Variants in TMCO6 observed in about 807,000 individuals in gnomAD.
TMCO6 encodes transmembrane and coiled-coil domains 6.
Under a neutral mutation model 61.8 loss-of-function variants are expected in TMCO6, and 47 were observed. That is an observed-to-expected ratio of 0.76 (90% CI 0.60 to 0.97). TMCO6 has a LOEUF of 0.97. TMCO6 is among the 50% of genes least tolerant of loss of function. The probability of loss-of-function intolerance (pLI) is 0.00; values close to 1 mark genes in which losing one functional copy is unlikely to be tolerated. For missense variants in TMCO6, 557 were observed against 601.6 expected (o/e 0.93, Z 0.78); for synonymous variants, 261 against 254.2 (o/e 1.03, Z -0.25).
the TMCO6 span, among the ~76,000 whole-genome samples, chr5:140,622,064 A>G: frequency 6.4e-4 from 97 of 152,200 alleles, no homozygotes; most frequent in Middle Eastern, 3.4e-3. Context: ...ATTACCTTGT[A>G]AAGTACTTGA....
At chr5:140,618,446 G>C in the TMCO6 span, among the ~76,000 whole-genome samples, 1 of 152,118 alleles carries the variant, frequency 6.6e-6, no homozygotes, top group Middle Eastern at 3.4e-3. Context: ...AAAGAAAAAG[G>C]AGCAAAGACA....
chr5:140,647,582 A>G, downstream of TMCO6: 2 of 1,609,794 alleles, frequency 1.2e-6, no homozygotes, highest in Non-Finnish European at 1.7e-6. Flanking sequence ...GGCCGCCGCC[A>G]TCCTTGTTAA....
the TMCO6 span, among the ~76,000 whole-genome samples, chr5:140,624,517 T>G: frequency 6.6e-6 from 1 of 152,318 alleles, no homozygotes; most frequent in East Asian, 1.9e-4. Flanking sequence ...GTCATTCCCC[T>G]TGACCACCCC....
At chr5:140,644,240 T>C (rs767975710) in intron 10 of TMCO6, 46 bp downstream of exon 10, 6 of 1,578,946 alleles carry the variant, frequency 3.8e-6, no homozygotes, top group Non-Finnish European at 5.2e-6. Flanking sequence ...AGTCGGATTG[T>C]ATGGGACAGC....
the TMCO6 span, among the ~76,000 whole-genome samples, chr5:140,597,874 T>C: frequency 5.3e-4 from 81 of 152,310 alleles, no homozygotes; most frequent in Admixed American, 1.5e-3. Flanking sequence ...GAAATAAAGA[T>C]TTAAAGGTAT....
At chr5:140,629,295 C>A in the TMCO6 span, among the ~76,000 whole-genome samples, 2 of 150,890 alleles carry the variant, frequency 1.3e-5, no homozygotes. Context: ...CAAACAAAAC[C>A]CAAAAAACTA....
At position 140,644,563 on chromosome 5, in the gene TMCO6, C is replaced by CT; in HGVS notation, c.1201-9dup. 1 of 1,613,602 alleles carries CT rather than the reference C, an allele frequency of 6.2e-7. No homozygotes were observed. Among genetic ancestry groups the CT allele is most frequent in the Non-Finnish European group, 8.5e-7 (1 of 1,179,792 alleles). ...CATTCTTTGTAGACTATATATGTGT[C>CT]TATCTGCAGGTGCTCACAGTTCTGT... On this transcript the variant is annotated splice_polypyrimidine_tract_variant and intron_variant, in intron 10 of 11. Coordinates refer to ENST00000394671, the MANE Select transcript of TMCO6 (RefSeq NM_018502.5).
At chr5:140,635,077 C>T (rs772303799), upstream of TMCO6, among the ~76,000 whole-genome samples, 9 of 152,196 alleles carry the variant, frequency 5.9e-5, no homozygotes, top group Non-Finnish European at 1.0e-4. Context: ...CCACCGTGCC[C>T]GGCAGAAAGT....
rs894855780 is a variant in TMCO6, at chr5:140,639,460, G to A, written c.-68G>A. The A allele has an allele frequency of 1.6e-5, 24 of 1,472,820 alleles. No individual in the cohort carries two copies. The highest frequency in any genetic ancestry group is 2.1e-5 in the Non-Finnish European group (23 of 1,078,540). The allele number at this position is 1,472,820 out of a possible 1,614,324, so 91.2% of individuals were successfully genotyped here. A position where few individuals can be genotyped will look rare whatever the true frequency, so the allele number is the denominator to read the frequency against. On this transcript the variant is annotated 5_prime_UTR_variant, in exon 1 of 12. Transcript: ENST00000394671. Reference sequence around the variant, plus strand: ...CCTGTGCTGAGGCTGCGCAGTCGGTGCCATCTTCTACGCCCCTGGGAGCGT... The same window carrying A: ...CCTGTGCTGAGGCTGCGCAGTCGGTACCATCTTCTACGCCCCTGGGAGCGT...
At chr5:140,632,652 C>G in the TMCO6 span, 1 of 1,613,578 alleles carries the variant, frequency 6.2e-7, no homozygotes, top group Non-Finnish European at 8.5e-7. This position sits in a 1 kb window ranked among gnomAD's most constrained non-coding sequence, Gnocchi z 6.2. Context: ...CGCTAGCACA[C>G]GCAGGGCGCC....
intron 3 of TMCO6, 40 bp downstream of exon 3, chr5:140,641,820 C>T (rs1757054978): frequency 3.7e-6 from 6 of 1,613,992 alleles, no homozygotes; most frequent in Non-Finnish European, 5.1e-6. Flanking sequence ...AGTTGGGGCT[C>T]TGAGGGATGG....
chr5:140,601,526 C>T, the TMCO6 span, among the ~76,000 whole-genome samples: 3 of 152,282 alleles, frequency 2.0e-5, no homozygotes, highest in Middle Eastern at 3.4e-3. Context: ...GCTCTAAGAC[C>T]GTTGTTTTGA....
upstream of TMCO6, among the ~76,000 whole-genome samples, chr5:140,636,858 T>C (rs972783385): frequency 1.3e-5 from 2 of 152,240 alleles, no homozygotes; most frequent in African/African-American, 2.4e-5. Context: ...CTAAGTTATA[T>C]GGCTTTTTAA....
the TMCO6 span, among the ~76,000 whole-genome samples, chr5:140,625,627 T>C: frequency 0.57 from 86,102 of 152,052 alleles, 25,095 homozygotes; most frequent in African/African-American, 0.69. Context: ...ATCTAGCACT[T>C]TATACTTTCT....
At chr5:140,647,218 C>T, downstream of TMCO6, 2 of 1,520,972 alleles carry the variant, frequency 1.3e-6, no homozygotes, top group South Asian at 1.3e-5. Context: ...CCCTTGTTCC[C>T]CTACCGGAGC....
At position 140,643,833 on chromosome 5, in the gene TMCO6, G is replaced by A; in HGVS notation, c.972G>A (p.Val324=). Residue 324 remains valine, a synonymous_variant, in exon 9 of 12, where the codon GTG becomes GTA. Coordinates refer to ENST00000394671, the MANE Select transcript of TMCO6 (RefSeq NM_018502.5). ...CLSNLLTEAA[V]ETVGGQMQLR... Reference sequence around the variant, plus strand: ...GCAACCTGCTAACTGAGGCAGCAGTGGAGACTGTGGGAGGGCAAATGCAGC... The same window carrying A: ...GCAACCTGCTAACTGAGGCAGCAGTAGAGACTGTGGGAGGGCAAATGCAGC... 1 of 1,614,244 alleles carries A rather than the reference G, an allele frequency of 6.2e-7. No individual in the cohort carries two copies. The highest frequency in any genetic ancestry group is 1.1e-5 in the South Asian group (1 of 91,090).
chr5:140,610,010 C>T, the TMCO6 span, among the ~76,000 whole-genome samples: 1 of 151,722 alleles, frequency 6.6e-6, no homozygotes, highest in Admixed American at 6.6e-5. Flanking sequence ...GTAACTGGGA[C>T]TACAGGTGCA....
rs1406444871 is a variant in TMCO6, at chr5:140,639,600, G to A, written c.73G>A (p.Glu25Lys). ...GGAGGAGCTACGGCGCCGCCGGCGG[G>A]AGCGGGAGGCAGGTGTGGGCGGCCG... Reference protein sequence around the residue: ...GVEELRRRRREREAALRKARR... With the variant: ...GVEELRRRRRKREAALRKARR... The change falls in exon 1 of 12, where the codon GAG becomes AAG. Residue 25 changes from glutamate (E) to lysine (K), a missense_variant. By Grantham distance (56) the Glu-to-Lys change is moderately conservative. Transcript: ENST00000394671. 1 of 1,544,194 alleles carries A rather than the reference G, an allele frequency of 6.5e-7. No individual in the cohort carries two copies. The highest frequency in any genetic ancestry group is 8.7e-7 in the Non-Finnish European group (1 of 1,143,616).
rs747612269 is a variant in TMCO6 at position 140,639,550 on chromosome 5, G to T, written c.23G>T (p.Arg8Leu). 1 of 1,549,576 alleles carries T rather than the reference G, an allele frequency of 6.5e-7. No homozygotes were observed. Among genetic ancestry groups the T allele is most frequent in the Admixed American group, 2.0e-5 (1 of 50,748 alleles). The change falls in exon 1 of 12, where the codon CGC becomes CTC. Residue 8 changes from arginine (R) to leucine (L), a missense_variant. Transcript: ENST00000394671. MWSRRQG[R>L]LRPTVCGVEE... Reference sequence around the variant, plus strand: ...ACCATGTGGAGCCGACGGCAGGGCCGCCTCAGGCCCACGGTCTGCGGGGTG... The same window carrying T: ...ACCATGTGGAGCCGACGGCAGGGCCTCCTCAGGCCCACGGTCTGCGGGGTG...
Sources: gnomAD v4.1 joint callset for allele counts (sites outside exome capture counted in the v4.1 genomes callset) on GRCh38, gnomAD v4.1.1 for gene constraint, Gnocchi (gnomAD v3.1) non-coding constraint, MANE v1.5 for transcripts, NCBI Gene and HGNC (gene_info 2026-07-23, HGNC 2026-07-21) for gene names.